The following CDK14 variants were observed in gnomAD, a reference collection of about 807,000 sequenced individuals.
CDK14 encodes cyclin-dependent kinase 14.
Under a neutral mutation model 60.7 loss-of-function variants are expected in CDK14, and 34 were observed. That is an observed-to-expected ratio of 0.56 (90% CI 0.43 to 0.75). CDK14 has a LOEUF of 0.75. CDK14 is among the 30% of genes least tolerant of loss of function. The pLI, the probability that CDK14 is intolerant of heterozygous loss-of-function variation, is 0.00. For missense variants in CDK14, 482 were observed against 564.1 expected, an observed-to-expected ratio of 0.85 and a Z score of 1.47; for synonymous variants, 197 against 203.7, an observed-to-expected ratio of 0.97 and a Z score of 0.28.
intron 14 of CDK14, among the ~76,000 whole-genome samples, chr7:91,131,204 A>G (rs1009173075): frequency 4.6e-5 from 7 of 152,068 alleles, no homozygotes; most frequent in East Asian, 3.9e-4. Flanking sequence ...TTCTCCTAAT[A>G]TTAACTTTAT....
chr7:90,757,250 GTC>G (rs565019262), intron 4 of CDK14, among the ~76,000 whole-genome samples: 1,584 of 135,188 alleles, frequency 0.012, 15 homozygotes, highest in East Asian at 0.055. Context: ...GTGTGTGTGT[GTC>G]TGTGTGTGTC....
chr7:90,887,078 T>C (rs969537899), intron 6 of CDK14, among the ~76,000 whole-genome samples: 2 of 152,272 alleles, frequency 1.3e-5, no homozygotes, highest in South Asian at 2.1e-4. Context: ...TGTGAGTTTT[T>C]CCCCTAGCTA....
At chr7:91,202,987 A>G (rs1802777266) in intron 14 of CDK14, among the ~76,000 whole-genome samples, 1 of 152,258 alleles carries the variant, frequency 6.6e-6, no homozygotes, top group Non-Finnish European at 1.5e-5. Context: ...AACAAACATC[A>G]TCGATGTCTA....
At chr7:90,676,613 G>T (rs1010569531) in intron 2 of CDK14, among the ~76,000 whole-genome samples, 8 of 150,404 alleles carry the variant, frequency 5.3e-5, no homozygotes, top group African/African-American at 2.0e-4. Context: ...GCTCACTGCA[G>T]CCCCAACCTT....
intron 9 of CDK14, among the ~76,000 whole-genome samples, chr7:90,977,364 TC>T (rs1311465613): frequency 2.6e-5 from 4 of 152,016 alleles, no homozygotes; most frequent in African/African-American, 9.6e-5. Flanking sequence ...CAAACCCATC[TC>T]CCCAGCTGAC....
At chr7:91,138,030 T>A (rs1800339435) in intron 14 of CDK14, among the ~76,000 whole-genome samples, 1 of 152,204 alleles carries the variant, frequency 6.6e-6, no homozygotes, top group African/African-American at 2.4e-5. Flanking sequence ...GGAATGGGTA[T>A]TGAGTTTATT....
intron 11 of CDK14, among the ~76,000 whole-genome samples, chr7:91,059,126 G>A (rs1226225065): frequency 2.0e-5 from 3 of 152,166 alleles, no homozygotes; most frequent in Admixed American, 2.0e-4. Flanking sequence ...TCCTGGTTTA[G>A]TCTTGGGAGG....
intron 2 of CDK14, among the ~76,000 whole-genome samples, chr7:90,640,710 A>T (rs552740786): frequency 1.9e-4 from 29 of 152,250 alleles, no homozygotes; most frequent in African/African-American, 6.7e-4. Flanking sequence ...AGATCATCAG[A>T]GTGTTCTAAA....
intron 2 of CDK14, among the ~76,000 whole-genome samples, chr7:90,653,423 G>A (rs1167995275): frequency 1.3e-5 from 2 of 151,334 alleles, no homozygotes; most frequent in African/African-American, 4.9e-5. Context: ...CGCACCTGTT[G>A]GCTCCATCTC....
chr7:90,897,599 T>A (rs1241754887), intron 6 of CDK14, among the ~76,000 whole-genome samples: 1 of 152,098 alleles, frequency 6.6e-6, no homozygotes, highest in Non-Finnish European at 1.5e-5. Context: ...TCTCTCGTTC[T>A]TTATTTGTCG....
chr7:90,829,608 G>A (rs1316905636), intron 5 of CDK14, among the ~76,000 whole-genome samples: 3 of 151,868 alleles, frequency 2.0e-5, no homozygotes, highest in South Asian at 2.1e-4. Context: ...TTTGGCTCAC[G>A]GCAACCTCCG....
intron 5 of CDK14, among the ~76,000 whole-genome samples, chr7:90,812,436 G>A (rs1174684094): frequency 6.6e-5 from 10 of 152,036 alleles, no homozygotes; most frequent in African/African-American, 2.4e-4. Flanking sequence ...GTGGACACAG[G>A]AAGGGGCATA....
chr7:90,908,988 TC>T (rs2117386836), intron 7 of CDK14, among the ~76,000 whole-genome samples: 1 of 152,270 alleles, frequency 6.6e-6, no homozygotes, highest in Non-Finnish European at 1.5e-5. Context: ...TTAAGATAAT[TC>T]ATTTTGATTG....
intron 2 of CDK14, among the ~76,000 whole-genome samples, chr7:90,633,117 TG>T (rs1169772642): frequency 4.6e-5 from 7 of 152,084 alleles, no homozygotes; most frequent in African/African-American, 7.2e-5. Context: ...AAAATTGTTT[TG>T]CAGTGTACAT....
intron 3 of CDK14, among the ~76,000 whole-genome samples, chr7:90,729,636 A>G (rs1376445414): frequency 6.6e-6 from 1 of 150,754 alleles, no homozygotes; most frequent in East Asian, 2.0e-4. Context: ...TTCCTGGTTC[A>G]CCCTGGGATG....
chr7:90,719,409 A>G (rs1409699105), intron 2 of CDK14, among the ~76,000 whole-genome samples: 2 of 152,196 alleles, frequency 1.3e-5, no homozygotes, highest in East Asian at 3.8e-4. Context: ...GAATGAATTC[A>G]CTTGAAATGA....
intron 14 of CDK14, among the ~76,000 whole-genome samples, chr7:91,198,167 C>T (rs967364868): frequency 1.3e-5 from 2 of 152,142 alleles, no homozygotes; most frequent in Non-Finnish European, 2.9e-5. Flanking sequence ...GATGTGTCCT[C>T]ACAAGAATAG....
At chr7:90,708,771 A>T (rs1484331842) in intron 2 of CDK14, among the ~76,000 whole-genome samples, 1 of 152,154 alleles carries the variant, frequency 6.6e-6, no homozygotes, top group Non-Finnish European at 1.5e-5. Flanking sequence ...GTAATTTTTA[A>T]AATACGTGAA....
At chr7:91,185,590 A>T (rs1223375986) in intron 14 of CDK14, among the ~76,000 whole-genome samples, 1 of 152,086 alleles carries the variant, frequency 6.6e-6, no homozygotes, top group Non-Finnish European at 1.5e-5. Context: ...CATCATTATA[A>T]AATGGGCAAG....
Sources: allele counts gnomAD v4.1 joint callset (sites outside exome capture counted in the v4.1 genomes callset), GRCh38; gene constraint gnomAD v4.1.1; transcripts MANE v1.5; gene names NCBI Gene and HGNC (gene_info 2026-07-23, HGNC 2026-07-21).